The following COL5A2 variants were observed in gnomAD, a reference collection of about 807,000 sequenced individuals.
The protein encoded by COL5A2 is collagen alpha-2(V) chain.
In COL5A2, 23 loss-of-function variants were observed where a neutral mutation model predicts 208.2. That is an observed-to-expected ratio of 0.11 (90% CI 0.08 to 0.16). The LOEUF is 0.16. Ranked by LOEUF, COL5A2 falls within the 10% of genes least tolerant of loss-of-function variation. The pLI, the probability that COL5A2 is intolerant of heterozygous loss-of-function variation, is 1.00. For missense variants in COL5A2, 1,590 were observed against 1,956.4 expected, an observed-to-expected ratio of 0.81 and a Z score of 3.53; for synonymous variants, 625 against 628.5, an observed-to-expected ratio of 0.99 and a Z score of 0.08.
chr2:189,385,708 C>T, the COL5A2 span, among the ~76,000 whole-genome samples: 3 of 152,128 alleles, frequency 2.0e-5, 1 homozygote, highest in Middle Eastern at 6.8e-3. Flanking sequence ...AGAGGCATCA[C>T]ATTACCTGAC....
At chr2:189,382,596 C>G in the COL5A2 span, among the ~76,000 whole-genome samples, 1 of 152,062 alleles carries the variant, frequency 6.6e-6, no homozygotes, top group Non-Finnish European at 1.5e-5. Context: ...TCAGCTGTTA[C>G]GCACGTCCAT....
At chr2:189,336,963 T>C in the COL5A2 span, among the ~76,000 whole-genome samples, 1 of 152,338 alleles carries the variant, frequency 6.6e-6, no homozygotes, top group East Asian at 1.9e-4. Flanking sequence ...AGGTTGAGTT[T>C]ATGGCCAAAG....
intron 1 of COL5A2, among the ~76,000 whole-genome samples, chr2:189,167,368 T>C (rs569437389): frequency 4.3e-4 from 65 of 152,354 alleles, no homozygotes; most frequent in African/African-American, 1.6e-3. Context: ...TTTATCTTTA[T>C]AGAACTAATT....
At chr2:189,296,321 C>T in the COL5A2 span, among the ~76,000 whole-genome samples, 3 of 152,028 alleles carry the variant, frequency 2.0e-5, no homozygotes, top group Non-Finnish European at 4.4e-5. Flanking sequence ...TCTCAAATTC[C>T]GTATCTCTTC....
the COL5A2 span, among the ~76,000 whole-genome samples, chr2:189,359,220 G>A: frequency 2.0e-5 from 3 of 151,964 alleles, no homozygotes; most frequent in African/African-American, 7.3e-5. Flanking sequence ...ATACAAATAT[G>A]GTCTTTATTT....
At chr2:189,209,684 G>C (rs989703506) in intron 1 of COL5A2, among the ~76,000 whole-genome samples, 1 of 152,220 alleles carries the variant, frequency 6.6e-6, no homozygotes, top group African/African-American at 2.4e-5. Flanking sequence ...TAATTCAACA[G>C]AAAGGATCAT....
At chr2:189,369,519 A>G in the COL5A2 span, among the ~76,000 whole-genome samples, 1 of 152,196 alleles carries the variant, frequency 6.6e-6, no homozygotes, top group East Asian at 1.9e-4. Context: ...ATTCGTTTTC[A>G]TTGAGATTAT....
At chr2:189,158,343 A>G (rs1169381734) in intron 1 of COL5A2, among the ~76,000 whole-genome samples, 1 of 152,070 alleles carries the variant, frequency 6.6e-6, no homozygotes, top group East Asian at 1.9e-4. Context: ...CTCTATGAAC[A>G]TTTATTAGCA....
At chr2:189,301,893 T>C in the COL5A2 span, among the ~76,000 whole-genome samples, 3 of 152,270 alleles carry the variant, frequency 2.0e-5, no homozygotes, top group South Asian at 6.2e-4. Context: ...ATCTAAATCA[T>C]AGAAAAGTAG....
rs1481543345 is a variant in COL5A2 at position 189,085,063 on chromosome 2, G to T, written c.798+97C>A. ...AATTTAATGCAAGCTAAAAGGGTGG[G>T]GAAATGTAATGGAAATTAATACAGA... On this transcript the variant is annotated intron_variant, in intron 11 of 53. Coordinates refer to ENST00000374866, the MANE Select transcript of COL5A2 (RefSeq NM_000393.5). 7 of 984,194 alleles carry T rather than the reference G, an allele frequency of 7.1e-6. No individual in the cohort carries two copies. The African/African-American group carries it at 9.7e-5, about 14-fold the overall frequency. 61.0% of individuals were successfully genotyped at this position (984,194 alleles called of 1,614,324 possible). A position where few individuals can be genotyped will look rare whatever the true frequency, so the allele number is the denominator to read the frequency against.
the COL5A2 span, among the ~76,000 whole-genome samples, chr2:189,347,272 T>C: frequency 6.6e-6 from 1 of 152,106 alleles, no homozygotes; most frequent in African/African-American, 2.4e-5. Context: ...AGAAAGTATC[T>C]TGCAAAACAT....
intron 1 of COL5A2, among the ~76,000 whole-genome samples, chr2:189,177,229 A>G (rs908937023): frequency 1.3e-5 from 2 of 152,220 alleles, no homozygotes; most frequent in Non-Finnish European, 2.9e-5. Flanking sequence ...AATTTGAAAA[A>G]TGTACTTGCT....
chr2:189,135,686 A>G (rs1687814986), intron 1 of COL5A2, among the ~76,000 whole-genome samples: 1 of 152,240 alleles, frequency 6.6e-6, no homozygotes, highest in South Asian at 2.1e-4. Context: ...TTTATAAGAG[A>G]TATTAAAAGA....
intron 51 of COL5A2, among the ~76,000 whole-genome samples, chr2:189,037,557 T>A (rs952732827): frequency 8.5e-5 from 13 of 152,192 alleles, no homozygotes; most frequent in African/African-American, 3.1e-4. Context: ...TAACTTAAAT[T>A]CTTAGGCTCT....
the COL5A2 span, among the ~76,000 whole-genome samples, chr2:189,290,672 A>G: frequency 2.0e-5 from 3 of 148,818 alleles, no homozygotes; most frequent in East Asian, 6.2e-4. Flanking sequence ...TGGAGGATTT[A>G]CTGAAGGGAG....
chr2:189,205,308 A>G (rs568430877), intron 1 of COL5A2, among the ~76,000 whole-genome samples: 3 of 152,336 alleles, frequency 2.0e-5, no homozygotes, highest in Admixed American at 6.5e-5. Context: ...TATGTGGATT[A>G]TTTCATTAGC....
intron 1 of COL5A2, among the ~76,000 whole-genome samples, chr2:189,216,998 A>G (rs559311419): frequency 5.8e-4 from 89 of 152,218 alleles, no homozygotes; most frequent in Non-Finnish European, 2.9e-4. Flanking sequence ...AAAGAGAGAG[A>G]GGGGGAAAGT....
chr2:189,160,757 G>A (rs1440609600), intron 1 of COL5A2, among the ~76,000 whole-genome samples: 3 of 151,066 alleles, frequency 2.0e-5, no homozygotes, highest in Non-Finnish European at 4.4e-5. Flanking sequence ...GTAGTTTTCT[G>A]CAAAACAATG....
the COL5A2 span, among the ~76,000 whole-genome samples, chr2:189,410,402 G>C: frequency 1.3e-5 from 2 of 151,730 alleles, no homozygotes; most frequent in Non-Finnish European, 1.5e-5. Context: ...ATCTCTACAA[G>C]AAAATGAAAA....
Sources: gnomAD v4.1 joint callset for allele counts (sites outside exome capture counted in the v4.1 genomes callset) on GRCh38, gnomAD v4.1.1 for gene constraint, MANE v1.5 for transcripts, NCBI Gene and HGNC (gene_info 2026-07-23, HGNC 2026-07-21) for gene names.